Variants in THUMPD2 observed in about 807,000 individuals in gnomAD.
THUMPD2 encodes U6 snRNA (guanine-N(2))-methyltransferase THUMPD2.
In THUMPD2, 56 loss-of-function variants were observed where a neutral mutation model predicts 49.4. That is an observed-to-expected ratio of 1.13 (90% CI 0.91 to 1.41). The LOEUF is 1.41. Among genes scored for constraint, THUMPD2 ranks in the 40% most tolerant of loss-of-function variants. THUMPD2 has a pLI of 0.00. For synonymous variants in THUMPD2, 237 were observed against 205.2 expected (o/e 1.15, Z -1.32); for missense variants, 709 against 594.5 (o/e 1.19, Z -2.00).
chr2:39,741,160 T>C (rs1673847570), intron 9 of THUMPD2, among the ~76,000 whole-genome samples: 1 of 152,216 alleles, frequency 6.6e-6, no homozygotes, highest in Non-Finnish European at 1.5e-5. Flanking sequence ...GTCAGTAAGT[T>C]GGGGGAAGTC....
At chr2:39,740,614 C>G (rs79051585) in intron 9 of THUMPD2, among the ~76,000 whole-genome samples, 3,370 of 152,156 alleles carry the variant, frequency 0.022, 96 homozygotes, top group East Asian at 0.068. Flanking sequence ...AATTTCTTTT[C>G]TTTTCTTTTT....
Position 39,737,048 on chromosome 2 carries a change from A to AC in THUMPD2, c.1198dup (p.Val400GlyfsTer10), listed in dbSNP as rs768515854. The AC allele has an allele frequency of 6.2e-7, 1 of 1,603,260 alleles. No homozygotes were observed. The highest frequency in any genetic ancestry group is 8.5e-7 in the Non-Finnish European group (1 of 1,172,736). ...AAGCAACAATACAATGGTTCCGCCAACATGAAGCACTCTGTGACAAAAAAA... is the reference window on the plus strand; with the variant it reads ...AAGCAACAATACAATGGTTCCGCCAACCATGAAGCACTCTGTGACAAAAAAA... On this transcript the variant is annotated frameshift_variant, in exon 10 of 10. Transcript: ENST00000505747. LOFTEE classifies it low-confidence loss of function (END_TRUNC).
At chr2:39,756,485 A>AG (rs940493854) in intron 6 of THUMPD2, among the ~76,000 whole-genome samples, 5 of 152,116 alleles carry the variant, frequency 3.3e-5, no homozygotes, top group African/African-American at 1.2e-4. Context: ...AAAAAAAAAA[A>AG]AAATGGCAAG....
chr2:39,768,251 G>C (rs1297565674), intron 4 of THUMPD2, among the ~76,000 whole-genome samples, 173 bp downstream of exon 4: 1 of 152,118 alleles, frequency 6.6e-6, no homozygotes, highest in African/African-American at 2.4e-5. Context: ...AGTGAAAACT[G>C]CTAGCAAAAC....
chr2:39,777,504 G>C (rs1032183840), intron 1 of THUMPD2, among the ~76,000 whole-genome samples: 3 of 152,198 alleles, frequency 2.0e-5, no homozygotes, highest in African/African-American at 7.2e-5. Context: ...AAGTCTATCA[G>C]ATAGGAGTCT....
chr2:39,766,796 C>T (rs1677577129), intron 4 of THUMPD2, among the ~76,000 whole-genome samples: 1 of 152,134 alleles, frequency 6.6e-6, no homozygotes. Context: ...ATATTAACAG[C>T]TTAATCAGAA....
rs190620781 is a variant in THUMPD2, at chr2:39,769,341, T to C, written c.672+369A>G. The C allele has an allele frequency of 6.8e-5, 16 of 234,552 alleles. No individual in the cohort carries two copies. The Admixed American group carries it at 7.7e-4, about 11-fold the overall frequency. 14.5% of individuals were successfully genotyped at this position (234,552 alleles called of 1,614,324 possible). ...TCCATAAGAACTAATTGTCTGCGGC[T>C]AGTTATTTGTTCTGTGAGAGGTTTG... On this transcript the variant is annotated intron_variant, in intron 3 of 9. Transcript: ENST00000505747.
intron 5 of THUMPD2, 41 bp downstream of exon 5, chr2:39,766,016 C>G: frequency 8.0e-6 from 12 of 1,491,710 alleles, no homozygotes; most frequent in Non-Finnish European, 9.1e-6. Flanking sequence ...TTAATTTAAC[C>G]ATCTGTCTTA....
chr2:39,769,044 C>A (rs748322099), intron 3 of THUMPD2: 9 of 1,304,490 alleles, frequency 6.9e-6, no homozygotes, highest in Non-Finnish European at 7.1e-6. Flanking sequence ...TTGCTGAGAC[C>A]TCATGTGCAT....
chr2:39,769,689 C>T (rs1390287916), intron 3 of THUMPD2, 21 bp downstream of exon 3: 5 of 1,485,550 alleles, frequency 3.4e-6, no homozygotes, highest in African/African-American at 1.5e-5. Context: ...CGACAGACTC[C>T]ACTTTAGGAT....
intron 9 of THUMPD2, among the ~76,000 whole-genome samples, chr2:39,737,279 C>CTACAT (rs60117530): frequency 6.6e-6 from 1 of 151,364 alleles, no homozygotes; most frequent in African/African-American, 2.4e-5. Context: ...TATTTTTACT[C>CTACAT]AAAAGGCAAG....
intron 8 of THUMPD2, among the ~76,000 whole-genome samples, chr2:39,750,442 G>C (rs988375540): frequency 6.6e-6 from 1 of 152,096 alleles, no homozygotes; most frequent in Admixed American, 6.6e-5. Flanking sequence ...TTTTTAATGG[G>C]GTTGTTTTTT....
At chr2:39,775,114 T>A (rs1558546060) in intron 1 of THUMPD2, among the ~76,000 whole-genome samples, 1 of 152,000 alleles carries the variant, frequency 6.6e-6, no homozygotes. Context: ...ACCCTGTTGG[T>A]ACAAAAAGTA....
chr2:39,737,341 G>A (rs1191871863), intron 9 of THUMPD2, among the ~76,000 whole-genome samples: 1 of 152,076 alleles, frequency 6.6e-6, no homozygotes, highest in Non-Finnish European at 1.5e-5. Context: ...TAAAGGAAAA[G>A]GCAAATGACA....
intron 2 of THUMPD2, among the ~76,000 whole-genome samples, chr2:39,770,417 A>G (rs968389713): frequency 6.6e-6 from 1 of 152,140 alleles, no homozygotes; most frequent in Admixed American, 6.6e-5. Context: ...TATCTCTTCA[A>G]TATATACATA....
chr2:39,768,586 T>C (rs1677866626), intron 3 of THUMPD2, 85 bp from the exon 4 acceptor site: 1 of 1,103,592 alleles, frequency 9.1e-7, no homozygotes, highest in Non-Finnish European at 1.3e-6. Context: ...GAGTAGCCTA[T>C]AAGAAAATCA....
At chr2:39,775,685 C>T (rs774459147) in intron 1 of THUMPD2, among the ~76,000 whole-genome samples, 1 of 147,144 alleles carries the variant, frequency 6.8e-6, no homozygotes, top group African/African-American at 2.5e-5. Context: ...ATCGCTTGAA[C>T]CCAGGAGGCG....
At chr2:39,762,217 G>A (rs1189604206) in intron 5 of THUMPD2, among the ~76,000 whole-genome samples, 3 of 152,086 alleles carry the variant, frequency 2.0e-5, no homozygotes, top group Non-Finnish European at 4.4e-5. Context: ...AATTTGTGTG[G>A]GTTTGTCTTG....
intron 8 of THUMPD2, among the ~76,000 whole-genome samples, chr2:39,754,389 C>T (rs530315703): frequency 5.5e-4 from 84 of 152,000 alleles, no homozygotes; most frequent in African/African-American, 1.8e-3. Flanking sequence ...TTTGGGGATG[C>T]TTTATTATGC....
Sources: gnomAD v4.1 joint callset for allele counts (sites outside exome capture counted in the v4.1 genomes callset) on GRCh38, gnomAD v4.1.1 for gene constraint, MANE v1.5 for transcripts, NCBI Gene and HGNC (gene_info 2026-07-23, HGNC 2026-07-21) for gene names.